NDUFA12: variants seen among roughly 807,000 people sequenced by gnomAD.
The protein encoded by NDUFA12 is NADH:ubiquinone oxidoreductase subunit A12.
A neutral mutation model predicts 20.3 loss-of-function variants in NDUFA12; 17 were observed. The ratio of observed to expected loss-of-function variants is 0.84; its 90% confidence interval spans 0.57 to 1.26. The LOEUF (loss-of-function observed/expected upper bound fraction) is 1.26, where lower values mean the gene tolerates loss of function less well. Among genes scored for constraint, NDUFA12 ranks in the 50% most tolerant of loss-of-function variants. The pLI is 0.00. For synonymous variants in NDUFA12, 72 were observed against 63.6 expected (o/e 1.13, Z -0.63); for missense variants, 191 against 183.7 (o/e 1.04, Z -0.23).
chr12:94,981,783 G>A (rs974623673), intron 3 of NDUFA12, among the ~76,000 whole-genome samples: 1 of 152,200 alleles, frequency 6.6e-6, no homozygotes, highest in African/African-American at 2.4e-5. Flanking sequence ...TAAGCAGACT[G>A]TGTTAGGTTC....
At position 94,971,454 on chromosome 12, in the gene NDUFA12, T is replaced by C. The variant is rs1362157816; in HGVS notation, c.424A>G (p.Thr142Ala). The part of the protein sequence containing the change: ...KKIQEWIPPS[T>A]PYK ...CTTCATTGTCTTTACTTGTAAGGTG[T>C]TGAAGGTGGGATCCACTCCTGAATC... Residue 142 changes from threonine to alanine, a missense_variant, in exon 4 of 4, where the codon ACA becomes GCA. Coordinates refer to ENST00000327772, the MANE Select transcript of NDUFA12 (RefSeq NM_018838.5). The C allele has an allele frequency of 3.1e-6, 5 of 1,614,074 alleles. No homozygotes were observed. Among genetic ancestry groups the C allele is most frequent in the Non-Finnish European group, 4.2e-6 (5 of 1,180,012 alleles).
chr12:94,997,197 G>GCA (rs1286270143), intron 2 of NDUFA12: 1 of 147,330 alleles, frequency 6.8e-6, no homozygotes, highest in Non-Finnish European at 1.4e-5. Context: ...ACACACACAC[G>GCA]CACACACACG....
intron 3 of NDUFA12, among the ~76,000 whole-genome samples, chr12:94,983,085 T>C (rs1449905344): frequency 6.6e-6 from 1 of 152,144 alleles, no homozygotes; most frequent in Non-Finnish European, 1.5e-5. Context: ...CTTCTAAACC[T>C]GCTCCCCCTA....
At chr12:94,998,167 G>A (rs1292478813) in intron 2 of NDUFA12, among the ~76,000 whole-genome samples, 1 of 152,098 alleles carries the variant, frequency 6.6e-6, no homozygotes, top group Non-Finnish European at 1.5e-5. Context: ...TAGGGATGCA[G>A]GGATGGTTTA....
At chr12:94,991,486 G>A (rs1874643404) in intron 3 of NDUFA12, among the ~76,000 whole-genome samples, 1 of 151,588 alleles carries the variant, frequency 6.6e-6, no homozygotes, top group African/African-American at 2.4e-5. Flanking sequence ...CCTACACTTT[G>A]CGAGGCCAAA....
chr12:94,978,289 G>A (rs906502531), intron 3 of NDUFA12, among the ~76,000 whole-genome samples: 4 of 152,192 alleles, frequency 2.6e-5, no homozygotes, highest in Non-Finnish European at 5.9e-5. Flanking sequence ...CAAACCAGTT[G>A]GGAGGTGACT....
chr12:94,992,686 C>T (rs1297481923), intron 3 of NDUFA12, among the ~76,000 whole-genome samples: 1 of 152,150 alleles, frequency 6.6e-6, no homozygotes, highest in Non-Finnish European at 1.5e-5. Context: ...CTGTGTCAGC[C>T]CAGGCAACAG....
chr12:95,003,008 A>T (rs1247816695), intron 1 of NDUFA12, among the ~76,000 whole-genome samples, 187 bp from the exon 2 acceptor site: 3 of 152,224 alleles, frequency 2.0e-5, no homozygotes, highest in Non-Finnish European at 4.4e-5. Context: ...TAAAAATATA[A>T]ATGTAGTCTC....
chr12:94,993,400 G>A (rs1369021803), intron 3 of NDUFA12, among the ~76,000 whole-genome samples: 36 of 150,262 alleles, frequency 2.4e-4, no homozygotes, highest in Admixed American at 8.7e-4. Context: ...CGAGGCGGGT[G>A]GATCACCTGA....
At chr12:94,990,667 G>A (rs1372280229) in intron 3 of NDUFA12, among the ~76,000 whole-genome samples, 1 of 152,126 alleles carries the variant, frequency 6.6e-6, no homozygotes, top group Non-Finnish European at 1.5e-5. Context: ...CTGGCCTCAA[G>A]CGAGCCTCAT....
At chr12:94,986,612 C>G (rs1458136925) in intron 3 of NDUFA12, among the ~76,000 whole-genome samples, 2 of 134,840 alleles carry the variant, frequency 1.5e-5, no homozygotes, top group African/African-American at 5.7e-5. Context: ...GCCTGGGCAA[C>G]ACTGTGAGAC....
At chr12:95,000,678 T>A (rs1874992922) in intron 2 of NDUFA12, among the ~76,000 whole-genome samples, 1 of 152,234 alleles carries the variant, frequency 6.6e-6, no homozygotes, top group African/African-American at 2.4e-5. Flanking sequence ...AGGGGCAGAA[T>A]GTTGAATCTC....
At chr12:94,981,398 A>G (rs1874236213) in intron 3 of NDUFA12, among the ~76,000 whole-genome samples, 1 of 152,226 alleles carries the variant, frequency 6.6e-6, no homozygotes, top group South Asian at 2.1e-4. Flanking sequence ...CAGTAAGCCA[A>G]GATCGCACCA....
chr12:94,987,339 G>A (rs1293572540), intron 3 of NDUFA12, among the ~76,000 whole-genome samples: 1 of 152,210 alleles, frequency 6.6e-6, no homozygotes. Context: ...AATCAAGTGT[G>A]AAGGAGACTA....
chr12:94,971,477 A>G lies in NDUFA12; in HGVS notation c.401T>C (p.Ile134Thr). The change falls in exon 4 of 4, where the codon ATT (isoleucine) becomes ACT (threonine). Residue 134 changes from isoleucine (I) to threonine (T), a missense_variant. Transcript: ENST00000327772. ...YVPYSTTRKK[I>T]QEWIPPSTPY... The stretch of plus-strand genomic sequence containing the variant: ...TGTTGAAGGTGGGATCCACTCCTGA[A>G]TCTTCTTTCTAGTGGTAGAATAAGG... 1 of 1,614,180 alleles carries G rather than the reference A, an allele frequency of 6.2e-7. No individual in the cohort carries two copies. The highest frequency in any genetic ancestry group is 2.2e-5 in the East Asian group (1 of 44,888).
At chr12:94,971,755 C>CT in intron 3 of NDUFA12, 135 bp from the exon 4 acceptor site, 2 of 952,782 alleles carry the variant, frequency 2.1e-6, no homozygotes, top group Non-Finnish European at 3.5e-6. Context: ...TAGCTGAATT[C>CT]TTCTATGCCT....
chr12:95,002,201 G>C (rs1291081033), intron 2 of NDUFA12, among the ~76,000 whole-genome samples: 1 of 150,824 alleles, frequency 6.6e-6, no homozygotes, highest in Non-Finnish European at 1.5e-5. Flanking sequence ...CAGCACTTTG[G>C]GGGGCCAAGG....
intron 2 of NDUFA12, 109 bp downstream of exon 2, chr12:95,002,630 C>T (rs1875093451): frequency 7.5e-6 from 6 of 797,922 alleles, no homozygotes; most frequent in African/African-American, 1.7e-5. Flanking sequence ...TTGAGTTTTT[C>T]ATCCTTTTCC....
chr12:95,002,437 C>CAAAAAAAAAA (rs71075895), intron 2 of NDUFA12, among the ~76,000 whole-genome samples: 5 of 63,620 alleles, frequency 7.9e-5, no homozygotes, highest in East Asian at 4.4e-4. Context: ...GACTCCATCT[C>CAAAAAAAAAA]AAAAAAAAAA....
Sources: gnomAD v4.1 joint callset for allele counts (sites outside exome capture counted in the v4.1 genomes callset) on GRCh38, gnomAD v4.1.1 for gene constraint, MANE v1.5 for transcripts, NCBI Gene and HGNC (gene_info 2026-07-23, HGNC 2026-07-21) for gene names.